The following PRKCH variants were observed in gnomAD, a reference collection of about 807,000 sequenced individuals.
PRKCH encodes protein kinase C eta type.
Under a neutral mutation model 82.5 loss-of-function variants are expected in PRKCH, and 28 were observed. The ratio of observed to expected loss-of-function variants is 0.34; its 90% CI spans 0.25 to 0.47. PRKCH has a LOEUF of 0.47. Among genes scored for constraint, PRKCH ranks in the 20% least tolerant of loss-of-function variants. The pLI is 1.00. For synonymous variants in PRKCH, 322 were observed against 327.4 expected, an observed-to-expected ratio of 0.98 and a Z score of 0.18; for missense variants, 705 against 881.8, an observed-to-expected ratio of 0.80 and a Z score of 2.54.
At chr14:61,203,031 C>T (rs1018042906) in intron 1 of PRKCH, among the ~76,000 whole-genome samples, 7 of 152,036 alleles carry the variant, frequency 4.6e-5, no homozygotes, top group Admixed American at 1.3e-4. Context: ...TTCATCTCTC[C>T]CCCTAATTGA....
intron 1 of PRKCH, among the ~76,000 whole-genome samples, chr14:61,231,091 A>C (rs1002052342): frequency 4.5e-4 from 69 of 152,338 alleles, no homozygotes; most frequent in Admixed American, 3.3e-3. Context: ...GTGGTTAAGA[A>C]AGCACAGACT....
chr14:61,391,073 T>C, intron 1 of PRKCH, 152 bp from the exon 2 acceptor site: 1 of 581,360 alleles, frequency 1.7e-6, no homozygotes, highest in Non-Finnish European at 2.8e-6. Context: ...TTTCACTTGT[T>C]TCCCTGCCAC....
chr14:61,404,878 C>A (rs1881854383), intron 2 of PRKCH, among the ~76,000 whole-genome samples: 1 of 151,982 alleles, frequency 6.6e-6, no homozygotes, highest in African/African-American at 2.4e-5. Flanking sequence ...TGTAGCTGGG[C>A]CTTGAGGTCA....
At chr14:61,443,327 A>G (rs1226975525) in intron 3 of PRKCH, 66 bp downstream of exon 3, 1 of 1,493,472 alleles carries the variant, frequency 6.7e-7, no homozygotes, top group Non-Finnish European at 9.1e-7. Context: ...CTGGTTATGT[A>G]TGACTTCAGC....
intron 9 of PRKCH, among the ~76,000 whole-genome samples, chr14:61,469,701 A>T (rs2140310073): frequency 6.6e-6 from 1 of 152,370 alleles, no homozygotes; most frequent in African/African-American, 2.4e-5. Context: ...CTCTGCTGAG[A>T]ACCCAGCTGC....
chr14:61,342,664 T>C (rs1464052345), intron 1 of PRKCH, among the ~76,000 whole-genome samples: 1 of 152,210 alleles, frequency 6.6e-6, no homozygotes, highest in African/African-American at 2.4e-5. Flanking sequence ...GTTGTGGCTA[T>C]GCAGCAGAAC....
chr14:61,327,416 C>T (rs1218212630), intron 1 of PRKCH, among the ~76,000 whole-genome samples: 2 of 152,106 alleles, frequency 1.3e-5, no homozygotes, highest in African/African-American at 2.4e-5. Flanking sequence ...ACTGACTGAT[C>T]AACCCACAGT....
intron 1 of PRKCH, among the ~76,000 whole-genome samples, chr14:61,329,411 T>C: frequency 6.6e-6 from 1 of 151,678 alleles, no homozygotes; most frequent in Non-Finnish European, 1.5e-5. Flanking sequence ...AATTTTTATA[T>C]TTTTGGTAGA....
chr14:61,215,054 T>G (rs1317694644), intron 1 of PRKCH, among the ~76,000 whole-genome samples: 1 of 152,190 alleles, frequency 6.6e-6, no homozygotes, highest in Non-Finnish European at 1.5e-5. Flanking sequence ...CCTTGTTTCT[T>G]ATTTTCCCTG....
At chr14:61,438,932 T>C (rs1883810613) in intron 2 of PRKCH, among the ~76,000 whole-genome samples, 1 of 152,222 alleles carries the variant, frequency 6.6e-6, no homozygotes, top group South Asian at 2.1e-4. Context: ...AAAACCCACT[T>C]CTGGTGAGGC....
chr14:61,254,853 G>C (rs1444465776), intron 1 of PRKCH, among the ~76,000 whole-genome samples: 1 of 152,168 alleles, frequency 6.6e-6, no homozygotes, highest in Non-Finnish European at 1.5e-5. Context: ...AATTTTTCTG[G>C]TGTAGACCAG....
At chr14:61,259,804 G>A (rs1312929008) in intron 1 of PRKCH, among the ~76,000 whole-genome samples, 1 of 152,070 alleles carries the variant, frequency 6.6e-6, no homozygotes, top group East Asian at 1.9e-4. Flanking sequence ...TCTGTTCACA[G>A]TTGGTCCATT....
At chr14:61,348,929 CTT>C in intron 1 of PRKCH, among the ~76,000 whole-genome samples, 1 of 152,388 alleles carries the variant, frequency 6.6e-6, no homozygotes, top group Non-Finnish European at 1.5e-5. Flanking sequence ...GAAGCACTCT[CTT>C]AGTATTTGTT....
At chr14:61,247,015 G>C (rs953827628) in intron 1 of PRKCH, among the ~76,000 whole-genome samples, 1 of 152,144 alleles carries the variant, frequency 6.6e-6, no homozygotes. Context: ...CTTCCATGCT[G>C]AGATGCTCTC....
At chr14:61,392,656 G>C (rs2046701916) in intron 2 of PRKCH, among the ~76,000 whole-genome samples, 1 of 152,056 alleles carries the variant, frequency 6.6e-6, no homozygotes, top group Non-Finnish European at 1.5e-5. Context: ...GTGAGAAATA[G>C]GTATTGTGAT....
intron 1 of PRKCH, among the ~76,000 whole-genome samples, chr14:61,260,183 A>G (rs960720300): frequency 6.6e-6 from 1 of 152,242 alleles, no homozygotes; most frequent in Non-Finnish European, 1.5e-5. Flanking sequence ...ATTTTATAAT[A>G]AAAATAAAGC....
chr14:61,202,572 T>C (rs1216297246), intron 1 of PRKCH, among the ~76,000 whole-genome samples: 1 of 152,158 alleles, frequency 6.6e-6, no homozygotes, highest in Admixed American at 6.5e-5. Context: ...GGAGGATGCA[T>C]TCATGTAGGA....
In PRKCH at chr14:61,286,440, A is replaced by T. The variant is rs2045314557; in HGVS notation, c.-19+98772A>T. On this transcript the variant is annotated intron_variant, in intron 1 of 3. Transcript: ENST00000555185. ...CAAAAGACAGAAGCGAATTCTCTCC[A>T]CTCCCTGCCACGGTGTGTTGGTTCT... is the stretch of plus-strand genomic sequence containing the variant. 4.6e-5 allele frequency among the ~76,000 whole-genome samples: 7 copies of T among 151,960 alleles called. No individual in the cohort carries two copies. In the South Asian group the frequency reaches 1.2e-3, roughly 27 times the overall value.
At chr14:61,449,387 C>G in intron 5 of PRKCH, 135 bp downstream of exon 5, 1 of 691,098 alleles carries the variant, frequency 1.4e-6, no homozygotes, top group African/African-American at 1.8e-5. Context: ...GCTTTCCTCC[C>G]CCTGCCACCT....
Sources: gnomAD v4.1 joint callset for allele counts (sites outside exome capture counted in the v4.1 genomes callset) on GRCh38, gnomAD v4.1.1 for gene constraint, MANE v1.5 for transcripts, NCBI Gene and HGNC (gene_info 2026-07-23, HGNC 2026-07-21) for gene names.